Variants in CGRRF1 observed in about 807,000 individuals in gnomAD.
CGRRF1 encodes cell growth regulator with ring finger domain 1.
In CGRRF1, 32 loss-of-function variants were observed where a neutral mutation model predicts 37.2. That is an observed-to-expected ratio of 0.86 (90% CI 0.65 to 1.16). CGRRF1 has a LOEUF of 1.16. Among genes scored for constraint, CGRRF1 ranks in the 50% most tolerant of loss-of-function variants. The pLI is 0.00. For missense variants in CGRRF1, 391 were observed against 382.6 expected (o/e 1.02, Z -0.18); for synonymous variants, 141 against 140.3 (o/e 1.00, Z -0.04).
intron 1 of CGRRF1, among the ~76,000 whole-genome samples, chr14:54,520,128 A>G (rs1399241143): frequency 6.6e-6 from 1 of 151,694 alleles, no homozygotes; most frequent in Admixed American, 6.6e-5. Context: ...ATTTTTTTTG[A>G]GATGGAGTCT....
At chr14:54,537,604 AT>A in intron 4 of CGRRF1, 117 bp from the exon 5 acceptor site, 1 of 1,083,338 alleles carries the variant, frequency 9.2e-7, no homozygotes, top group African/African-American at 1.6e-5. Context: ...TTTGAGAAGC[AT>A]TTTTCTTTTT....
At chr14:54,520,491 C>T (rs1420202536) in intron 1 of CGRRF1, among the ~76,000 whole-genome samples, 1 of 152,232 alleles carries the variant, frequency 6.6e-6, no homozygotes, top group Non-Finnish European at 1.5e-5. Context: ...ATCATCTATA[C>T]AGCTTAAGCC....
At chr14:54,528,017 A>G (rs1443102193) in intron 2 of CGRRF1, among the ~76,000 whole-genome samples, 1 of 152,196 alleles carries the variant, frequency 6.6e-6, no homozygotes, top group African/African-American at 2.4e-5. Flanking sequence ...CTGGAATTAC[A>G]GGCATGAAAC....
chr14:54,521,496 T>C (rs1479405963), intron 1 of CGRRF1, among the ~76,000 whole-genome samples: 1 of 151,650 alleles, frequency 6.6e-6, no homozygotes, highest in East Asian at 2.0e-4. Flanking sequence ...CCATAAATCA[T>C]ATTAGTCTGC....
At chr14:54,525,029 A>G (rs928012501) in intron 2 of CGRRF1, among the ~76,000 whole-genome samples, 4 of 152,182 alleles carry the variant, frequency 2.6e-5, no homozygotes, top group African/African-American at 4.8e-5. Flanking sequence ...CCTGGGTGAC[A>G]GAGTGAGACT....
intron 3 of CGRRF1, 182 bp downstream of exon 3, chr14:54,530,408 A>G (rs1333759659): frequency 1.3e-6 from 1 of 785,052 alleles, no homozygotes; most frequent in African/African-American, 1.7e-5. Context: ...CAGTATTTGT[A>G]TCCTTTCATC....
At chr14:54,525,982 G>A (rs945586867) in intron 2 of CGRRF1, among the ~76,000 whole-genome samples, 9 of 151,786 alleles carry the variant, frequency 5.9e-5, no homozygotes, top group Admixed American at 5.2e-4. Flanking sequence ...TGTTAGTGCC[G>A]GCTACTCAGG....
At chr14:54,531,109 A>C in intron 4 of CGRRF1, 59 bp downstream of exon 4, 1 of 1,290,118 alleles carries the variant, frequency 7.8e-7, no homozygotes, top group Non-Finnish European at 1.1e-6. Flanking sequence ...GTGGTTCTTC[A>C]TTATTTGATA....
chr14:54,533,645 A>G (rs543628529), intron 4 of CGRRF1, among the ~76,000 whole-genome samples: 1 of 152,120 alleles, frequency 6.6e-6, no homozygotes, highest in Non-Finnish European at 1.5e-5. Flanking sequence ...AAATTTATTA[A>G]TAAAATCATT....
intron 2 of CGRRF1, chr14:54,523,376 T>C (rs968599770): frequency 1.3e-5 from 2 of 154,072 alleles, no homozygotes; most frequent in Admixed American, 6.5e-5. Flanking sequence ...TTTGCTTTTG[T>C]ACTTGCTTGG....
At chr14:54,531,342 G>GTT (rs1348243980) in intron 4 of CGRRF1, among the ~76,000 whole-genome samples, 2 of 151,904 alleles carry the variant, frequency 1.3e-5, no homozygotes, top group African/African-American at 4.8e-5. Context: ...CACCTATTTA[G>GTT]TTTTTATATG....
intron 2 of CGRRF1, among the ~76,000 whole-genome samples, chr14:54,524,195 C>G (rs2032370253): frequency 6.6e-6 from 1 of 152,094 alleles, no homozygotes. Flanking sequence ...AGTTAATGCT[C>G]TCTCTCTAGT....
chr14:54,531,874 A>C (rs1317426883), intron 4 of CGRRF1, among the ~76,000 whole-genome samples: 1 of 152,186 alleles, frequency 6.6e-6, no homozygotes, highest in Non-Finnish European at 1.5e-5. Flanking sequence ...GTCCTTACAC[A>C]CAATTGACTA....
chr14:54,530,457 G>A, intron 3 of CGRRF1: 1 of 922,190 alleles, frequency 1.1e-6, no homozygotes, highest in Non-Finnish European at 1.6e-6. Context: ...ACTTCTTATG[G>A]ATAAAGTGTT....
At chr14:54,513,954 A>C (rs888170625) in intron 1 of CGRRF1, among the ~76,000 whole-genome samples, 12 of 152,154 alleles carry the variant, frequency 7.9e-5, no homozygotes, top group Admixed American at 7.2e-4. Context: ...GGGGACATCT[A>C]GGTAGACATG....
Position 54,538,298 on chromosome 14 carries a change from G to A in CGRRF1, c.914G>A (p.Cys305Tyr), listed in dbSNP as rs375668695. ...CDGCVKYFQQ[C>Y]PMCRQFVQES... ...GGCTGTGTGAAGTATTTTCAGCAGT[G>A]CCCAATGTGCAGGCAGTTTGTTCAG... The change falls in exon 6 of 6, where the codon TGC becomes TAC. Residue 305 changes from cysteine (C) to tyrosine (Y), a missense_variant. Transcript: ENST00000216420. 66 of 1,614,056 alleles carry A rather than the reference G, an allele frequency of 4.1e-5. No individual in the cohort carries two copies. The highest frequency in any genetic ancestry group is 5.4e-5 in the Non-Finnish European group (64 of 1,180,014).
chr14:54,511,408 C>A (rs774030409), intron 1 of CGRRF1, among the ~76,000 whole-genome samples: 6 of 152,124 alleles, frequency 3.9e-5, no homozygotes, highest in Non-Finnish European at 8.8e-5. Flanking sequence ...GTTCATTACA[C>A]AAAAGTTTGT....
intron 4 of CGRRF1, among the ~76,000 whole-genome samples, chr14:54,535,403 A>T (rs1046159640): frequency 6.7e-6 from 1 of 150,068 alleles, no homozygotes; most frequent in African/African-American, 2.5e-5. Flanking sequence ...ACTTTTTGTA[A>T]ATTAAAACAT....
intron 4 of CGRRF1, among the ~76,000 whole-genome samples, chr14:54,531,743 C>G (rs1216328223): frequency 6.6e-6 from 1 of 151,934 alleles, no homozygotes; most frequent in African/African-American, 2.4e-5. Flanking sequence ...TAGTTGATTC[C>G]TATTAGGAAG....
Sources: gnomAD v4.1 joint callset for allele counts (sites outside exome capture counted in the v4.1 genomes callset) on GRCh38, gnomAD v4.1.1 for gene constraint, MANE v1.5 for transcripts, NCBI Gene and HGNC (gene_info 2026-07-23, HGNC 2026-07-21) for gene names.